Variants in MEIS2 observed in about 807,000 individuals in gnomAD.
The protein encoded by MEIS2 is homeobox protein Meis2.
MEIS2 carries 9 observed loss-of-function variants against 58.6 expected under a neutral mutation model. The ratio of observed to expected loss-of-function variants is 0.15; its 90% CI spans 0.09 to 0.27. MEIS2 has a LOEUF of 0.27. MEIS2 is among the 10% of genes least tolerant of loss of function. The pLI is 1.00. For synonymous variants in MEIS2, 221 were observed against 228.4 expected (o/e 0.97, Z 0.29); for missense variants, 427 against 635.0 (o/e 0.67, Z 3.52).
intron 7 of MEIS2, among the ~76,000 whole-genome samples, chr15:37,065,105 C>A (rs1028486078): frequency 6.6e-6 from 1 of 152,130 alleles, no homozygotes; most frequent in Non-Finnish European, 1.5e-5. Flanking sequence ...ATTAGAAGTA[C>A]TTACATAGTC....
intron 9 of MEIS2, among the ~76,000 whole-genome samples, chr15:36,925,016 G>T (rs1442058120): frequency 6.6e-6 from 1 of 152,112 alleles, no homozygotes; most frequent in Non-Finnish European, 1.5e-5. Context: ...GACCGCCCGG[G>T]CAGCACACTC....
intron 6 of MEIS2, among the ~76,000 whole-genome samples, chr15:37,084,548 CAT>C (rs140255465): frequency 0.017 from 2,629 of 152,094 alleles, 63 homozygotes; most frequent in African/African-American, 0.052. Context: ...AAAAAGGAAA[CAT>C]GTGTGAACTA....
chr15:36,970,794 G>T (rs2059525450), intron 8 of MEIS2, among the ~76,000 whole-genome samples: 1 of 152,150 alleles, frequency 6.6e-6, no homozygotes, highest in South Asian at 2.1e-4. Context: ...AAAGAAATCA[G>T]ATAAATCAAA....
intron 9 of MEIS2, among the ~76,000 whole-genome samples, chr15:36,929,540 G>A (rs140732798): frequency 4.8e-4 from 73 of 152,266 alleles, no homozygotes; most frequent in African/African-American, 1.6e-3. Context: ...AAACTTCAGG[G>A]AGAATACACT....
At chr15:36,996,708 C>T (rs1403322774) in intron 8 of MEIS2, among the ~76,000 whole-genome samples, 2 of 152,128 alleles carry the variant, frequency 1.3e-5, no homozygotes, top group Non-Finnish European at 2.9e-5. Flanking sequence ...GAAATGGAAC[C>T]TCTGAGGATG....
At chr15:37,034,885 C>T (rs1045633637) in intron 8 of MEIS2, among the ~76,000 whole-genome samples, 7 of 152,034 alleles carry the variant, frequency 4.6e-5, no homozygotes, top group African/African-American at 1.7e-4. Context: ...AAGTCTCGGG[C>T]CCTTGTCTCA....
intron 7 of MEIS2, among the ~76,000 whole-genome samples, chr15:37,081,298 T>G (rs1892176045): frequency 1.3e-5 from 2 of 152,154 alleles, no homozygotes; most frequent in South Asian, 4.1e-4. Flanking sequence ...CAATGAAACA[T>G]TATAATATAT....
intron 9 of MEIS2, among the ~76,000 whole-genome samples, chr15:36,935,113 G>C (rs1232726399): frequency 6.6e-6 from 1 of 151,776 alleles, no homozygotes; most frequent in Admixed American, 6.6e-5. Context: ...CCACTTAGCT[G>C]GTTGTTAAGT....
intron 9 of MEIS2, among the ~76,000 whole-genome samples, chr15:36,917,072 T>G (rs1009644959): frequency 3.9e-5 from 6 of 152,168 alleles, no homozygotes; most frequent in African/African-American, 9.7e-5. Context: ...ATATTTAGGG[T>G]TGTTTTTCCT....
At chr15:37,067,421 A>G (rs1890097723) in intron 7 of MEIS2, among the ~76,000 whole-genome samples, 1 of 151,854 alleles carries the variant, frequency 6.6e-6, no homozygotes, top group African/African-American at 2.4e-5. Flanking sequence ...AAAGAATGGA[A>G]CCTTGCCCAG....
chr15:36,894,097 T>C (rs2056037065), intron 11 of MEIS2, among the ~76,000 whole-genome samples: 1 of 152,196 alleles, frequency 6.6e-6, no homozygotes, highest in African/African-American at 2.4e-5. Flanking sequence ...CCTAAATGTC[T>C]TTCCCTTTAA....
At position 37,098,049 on chromosome 15, in the gene MEIS2, C is replaced by T. The variant is rs773159665; in HGVS notation, c.163G>A (p.Ala55Thr). ...GCCGGCATGACATTGGGGTGCGGGGCGTGCGCGCCGTAGTGCTGTGTGGCG... is the reference window on the plus strand; with the variant it reads ...GCCGGCATGACATTGGGGTGCGGGGTGTGCGCGCCGTAGTGCTGTGTGGCG... The part of the protein sequence containing the change: ...LHATQHYGAH[A>T]PHPNVMPASM... Residue 55 changes from alanine (A) to threonine (T), a missense_variant, in exon 2 of 12, where the codon GCC (alanine) becomes ACC (threonine). Around this residue, in one of 6 missense-constraint regions of MEIS2, gnomAD observed 103 missense variants for 111.8 expected, o/e 0.92. Coordinates refer to ENST00000561208, the MANE Select transcript of MEIS2 (RefSeq NM_170675.5). 6.2e-7 allele frequency: 1 copy of T among 1,613,428 alleles called. No homozygotes were observed. Among genetic ancestry groups the T allele is most frequent in the Admixed American group, 1.7e-5 (1 of 59,968 alleles).
chr15:37,093,430 G>T, intron 6 of MEIS2, 151 bp downstream of exon 6: 1 of 997,824 alleles, frequency 1.0e-6, no homozygotes, highest in Non-Finnish European at 1.4e-6. Flanking sequence ...GAAGGGTATG[G>T]CAGAGAAAGC....
intron 9 of MEIS2, among the ~76,000 whole-genome samples, chr15:36,927,741 G>A (rs934616749): frequency 6.6e-6 from 1 of 152,012 alleles, no homozygotes; most frequent in Admixed American, 6.6e-5. Flanking sequence ...GGGATGTAAT[G>A]TTAACTTAAA....
chr15:36,944,738 T>C (rs187282031), intron 9 of MEIS2, among the ~76,000 whole-genome samples: 1 of 152,198 alleles, frequency 6.6e-6, no homozygotes, highest in East Asian at 1.9e-4. Context: ...TTGGAAATAA[T>C]CACTGAAGAT....
intron 8 of MEIS2, among the ~76,000 whole-genome samples, chr15:36,952,258 CA>C (rs149415751): frequency 0.038 from 5,715 of 151,442 alleles, 247 homozygotes; most frequent in East Asian, 0.17. Flanking sequence ...GGGGCGGTGG[CA>C]AAAAAAATGT....
chr15:36,983,600 C>G (rs1196329584), intron 8 of MEIS2, among the ~76,000 whole-genome samples: 20 of 151,862 alleles, frequency 1.3e-4, no homozygotes, highest in Admixed American at 1.3e-3. Context: ...CTTTGTTCTT[C>G]TTGCTCCATA....
At chr15:36,937,190 C>T (rs837132) in intron 9 of MEIS2, among the ~76,000 whole-genome samples, 116,411 of 152,120 alleles carry the variant, frequency 0.77, 45,268 homozygotes, top group African/African-American at 0.9. Flanking sequence ...TAGTGACTTG[C>T]AGATTCTCAA....
intron 7 of MEIS2, among the ~76,000 whole-genome samples, chr15:37,039,591 C>T (rs2062326800): frequency 6.6e-6 from 1 of 152,074 alleles, no homozygotes; most frequent in African/African-American, 2.4e-5. Flanking sequence ...CTGGTAACAC[C>T]TTCGAACTTT....
Sources: allele counts gnomAD v4.1 joint callset (sites outside exome capture counted in the v4.1 genomes callset), GRCh38; gene constraint gnomAD v4.1.1; regional missense constraint gnomAD v4.1.1; transcripts MANE v1.5; gene names NCBI Gene and HGNC (gene_info 2026-07-23, HGNC 2026-07-21).